WDR12: variants seen among roughly 807,000 people sequenced by gnomAD.
The protein encoded by WDR12 is WD repeat domain 12, also known as ribosome biogenesis protein WDR12.
In WDR12, 42 loss-of-function variants were observed where a neutral mutation model predicts 64.3. The ratio of observed to expected loss-of-function variants is 0.65; its 90% confidence interval spans 0.51 to 0.84. The LOEUF is 0.84. WDR12 is among the 40% of genes least tolerant of loss of function. The probability of loss-of-function intolerance (pLI) is 0.00; values close to 1 mark genes in which losing one functional copy is unlikely to be tolerated. For synonymous variants in WDR12, 158 were observed against 173.3 expected (o/e 0.91, Z 0.70); for missense variants, 469 against 494.6 (o/e 0.95, Z 0.49).
intron 1 of WDR12, among the ~76,000 whole-genome samples, chr2:202,910,298 G>A (rs912835401): frequency 3.3e-5 from 5 of 152,060 alleles, no homozygotes; most frequent in African/African-American, 7.2e-5. Context: ...CGAGGTGGGC[G>A]GATCACTTGA....
chr2:202,884,491 TG>T lies in WDR12; in HGVS notation c.785del (p.Ser262Ter). On this transcript the variant is annotated frameshift_variant, in exon 9 of 13. Coordinates refer to ENST00000261015, the MANE Select transcript of WDR12 (RefSeq NM_018256.4). LOFTEE classifies it high-confidence loss of function. ...TLSGHMEAVS[S>X]VLWSDAEEIC... ...TTTCTTCAGCATCTGACCACAGAAC[TG>T]AGGAAACTGCCTCCATGTGGCCAGA... 6.2e-7 allele frequency: 1 copy of T among 1,614,160 alleles called. No individual in the cohort carries two copies. Among genetic ancestry groups the T allele is most frequent in the East Asian group, 2.2e-5 (1 of 44,876 alleles).
At chr2:202,891,012 A>AG (rs1688147658) in intron 8 of WDR12, among the ~76,000 whole-genome samples, 1 of 150,526 alleles carries the variant, frequency 6.6e-6, no homozygotes, top group Non-Finnish European at 1.5e-5. Flanking sequence ...AAAAAAAAAA[A>AG]AAAAAGAGAA....
intron 8 of WDR12, among the ~76,000 whole-genome samples, chr2:202,885,907 A>C (rs1688037805): frequency 6.6e-6 from 1 of 152,088 alleles, no homozygotes; most frequent in South Asian, 2.1e-4. Context: ...TAAAAATAAA[A>C]TTAGCTGGGC....
Position 202,901,099 on chromosome 2 carries a change from A to C in WDR12, c.157T>G (p.Phe53Val). ...DKNEFHKHVE[F>V]DFLIKGQFLR... ...AACTGGCCCTTAATAAGGAAATCAA[A>C]CTCCACATGTTTGTGGAACTCTGAG... Residue 53 changes from phenylalanine (F) to valine (V), a missense_variant, in exon 3 of 13, where the codon TTT (phenylalanine) becomes GTT (valine). By Grantham distance (50) the Phe-to-Val change is conservative (BLOSUM62 -1). Coordinates refer to ENST00000261015, the MANE Select transcript of WDR12 (RefSeq NM_018256.4). The C allele has an allele frequency of 6.3e-7, 1 of 1,598,200 alleles. No homozygotes were observed. Among genetic ancestry groups the C allele is most frequent in the South Asian group, 1.1e-5 (1 of 88,492 alleles).
intron 1 of WDR12, among the ~76,000 whole-genome samples, chr2:202,909,782 ATTATTTATTTAT>A (rs368055241): frequency 6.0e-5 from 9 of 150,888 alleles, no homozygotes; most frequent in East Asian, 5.8e-4. Flanking sequence ...CAAGAATTTT[ATTATTTATTTAT>A]TTATTTATTT....
In WDR12 at chr2:202,880,784, G is replaced by T; in HGVS notation, c.*76C>A. The T allele has an allele frequency of 1.5e-6, 2 of 1,322,390 alleles. No individual in the cohort carries two copies. The highest frequency in any genetic ancestry group is 1.1e-6 in the Non-Finnish European group (1 of 951,974). 81.9% of individuals were successfully genotyped at this position (1,322,390 alleles called of 1,614,324 possible). The stretch of plus-strand genomic sequence containing the variant: ...CTTCAAAAGGCTGCTTTCTGCATCT[G>T]CATCTATGTAATTTCATGGTTCTCT... On this transcript the variant is annotated 3_prime_UTR_variant, in exon 13 of 13. Transcript: ENST00000261015.
chr2:202,908,330 C>T (rs1257374786), intron 1 of WDR12, among the ~76,000 whole-genome samples: 1 of 152,160 alleles, frequency 6.6e-6, no homozygotes, highest in African/African-American at 2.4e-5. Context: ...TGGCATGTGC[C>T]CGTAGTCCCA....
rs1688368378 is a variant in WDR12, at chr2:202,902,576, C to G, written c.137-1457G>C. On this transcript the variant is annotated intron_variant, in intron 2 of 12. Transcript: ENST00000261015. ...TCAGTCTTCAGGCCTTTATCTTACT[C>G]CTGTGCTTCCTGCCCTCAAACATTG... Among the ~76,000 whole-genome samples, 18 of 152,306 alleles carry G rather than the reference C, an allele frequency of 1.2e-4. 1 individual carries two copies. In the South Asian group the frequency reaches 3.7e-3, roughly 32 times the overall value.
chr2:202,895,624 G>A (rs1205045865), intron 6 of WDR12, among the ~76,000 whole-genome samples: 1 of 148,142 alleles, frequency 6.8e-6, no homozygotes, highest in Admixed American at 6.9e-5. Flanking sequence ...CCGGGTTCAA[G>A]TGATTCTCCT....
At chr2:202,891,384 A>C (rs1688153637) in intron 8 of WDR12, among the ~76,000 whole-genome samples, 1 of 152,154 alleles carries the variant, frequency 6.6e-6, no homozygotes, top group Admixed American at 6.5e-5. Flanking sequence ...TCCTGAGCTC[A>C]AGCAATCTGC....
At chr2:202,884,047 A>G in intron 10 of WDR12, 151 bp downstream of exon 10, 1 of 746,364 alleles carries the variant, frequency 1.3e-6, no homozygotes, top group Non-Finnish European at 2.2e-6. Flanking sequence ...TCCTGACCTC[A>G]TGATCTGCCC....
At position 202,892,646 on chromosome 2, in the gene WDR12, G is replaced by T. The variant is rs757242145; in HGVS notation, c.712C>A (p.Gln238Lys). ...EESTNRPRKK[Q>K]KTEQLGLTRT... ...GTTAGTCCCAACTGTTCTGTCTTCTGTTTCTTTCTTGGTCGATTTGTGGAC... is the reference window on the plus strand; with the variant it reads ...GTTAGTCCCAACTGTTCTGTCTTCTTTTTCTTTCTTGGTCGATTTGTGGAC... The change falls in exon 8 of 13, where the codon CAG (glutamine) becomes AAG (lysine). Residue 238 changes from glutamine (Q) to lysine (K), a missense_variant. By Grantham distance (53) the Gln-to-Lys change is moderately conservative. Transcript: ENST00000261015. 1 of 1,613,116 alleles carries T rather than the reference G, an allele frequency of 6.2e-7. No individual in the cohort carries two copies. Among genetic ancestry groups the T allele is most frequent in the East Asian group, 2.2e-5 (1 of 44,750 alleles).
intron 8 of WDR12, among the ~76,000 whole-genome samples, chr2:202,888,752 G>A (rs371107137): frequency 2.6e-5 from 4 of 151,786 alleles, no homozygotes; most frequent in African/African-American, 7.3e-5. Context: ...TCACTCTGTC[G>A]CCCAAACTGG....
chr2:202,892,533 T>TA, intron 8 of WDR12, 84 bp downstream of exon 8: 1 of 904,436 alleles, frequency 1.1e-6, no homozygotes, highest in Non-Finnish European at 1.7e-6. Context: ...GAAGGCAACA[T>TA]AAACAAAAAA....
chr2:202,884,771 G>A (rs1354956201), intron 8 of WDR12, among the ~76,000 whole-genome samples: 1 of 152,192 alleles, frequency 6.6e-6, no homozygotes, highest in Non-Finnish European at 1.5e-5. Context: ...TGGCAGACTT[G>A]AATTTGACCC....
rs537836611 is a variant in WDR12, at chr2:202,898,912, G to A, written c.338+619C>T. 3.5e-5 allele frequency among the ~76,000 whole-genome samples: 5 copies of A among 141,302 alleles called. No homozygotes were observed. In the South Asian group the frequency reaches 8.9e-4, roughly 25 times the overall value. 92.7% of individuals were successfully genotyped at this position (141,302 alleles called of 152,430 possible). On this transcript the variant is annotated intron_variant, in intron 4 of 12. Coordinates refer to ENST00000261015, the MANE Select transcript of WDR12 (RefSeq NM_018256.4). ...GGACTGCTTGAGCCCAGGAGTTTGCGACCAGCCTGGGCAAGAGAGAGAGAC... is the reference window on the plus strand; with the variant it reads ...GGACTGCTTGAGCCCAGGAGTTTGCAACCAGCCTGGGCAAGAGAGAGAGAC...
chr2:202,891,346 C>T (rs1235694332), intron 8 of WDR12, among the ~76,000 whole-genome samples: 6 of 152,112 alleles, frequency 3.9e-5, no homozygotes, highest in Non-Finnish European at 1.5e-5. Context: ...GACAGGGTAT[C>T]ACCATGTTGC....
chr2:202,894,768 A>C (rs1688210166), intron 6 of WDR12, 142 bp from the exon 7 acceptor site: 3 of 590,744 alleles, frequency 5.1e-6, no homozygotes, highest in Non-Finnish European at 8.5e-6. Flanking sequence ...TTCCAGGGGC[A>C]GATAGGACAG....
intron 2 of WDR12, among the ~76,000 whole-genome samples, chr2:202,904,609 GTATCCATA>G (rs1238352587): frequency 1.3e-5 from 2 of 152,074 alleles, no homozygotes; most frequent in African/African-American, 4.8e-5. Context: ...GAAAAACTGG[GTATCCATA>G]TGCAAAAAAA....
Sources: gnomAD v4.1 joint callset for allele counts (sites outside exome capture counted in the v4.1 genomes callset) on GRCh38, gnomAD v4.1.1 for gene constraint, MANE v1.5 for transcripts, NCBI Gene and HGNC (gene_info 2026-07-23, HGNC 2026-07-21) for gene names.